NDST4: variants seen among roughly 807,000 people sequenced by gnomAD.
The protein encoded by NDST4 is N-deacetylase and N-sulfotransferase 4, also known as N-heparan sulfate sulfotransferase 4.
NDST4 carries 63 observed loss-of-function variants against 100.8 expected under a neutral mutation model. That is an observed-to-expected ratio of 0.62 (90% CI 0.51 to 0.77). NDST4 has a LOEUF of 0.77. NDST4 is among the 30% of genes least tolerant of loss of function. The pLI is 0.00. For synonymous variants in NDST4, 377 were observed against 361.8 expected (o/e 1.04, Z -0.48); for missense variants, 943 against 1,018.4 (o/e 0.93, Z 1.01).
intron 1 of NDST4, among the ~76,000 whole-genome samples, chr4:115,083,131 A>G (rs1729336715): frequency 2.0e-5 from 3 of 152,234 alleles, no homozygotes; most frequent in Admixed American, 1.3e-4. Flanking sequence ...CATATTTTAT[A>G]TTAATGAAAC....
chr4:115,093,663 G>A (rs553119060), intron 1 of NDST4, among the ~76,000 whole-genome samples: 2 of 152,102 alleles, frequency 1.3e-5, no homozygotes, highest in South Asian at 4.2e-4. Flanking sequence ...ATCACATGGA[G>A]CATATGCACT....
intron 8 of NDST4, 48 bp downstream of exon 8, chr4:114,852,677 T>C (rs1345441271): frequency 7.7e-6 from 8 of 1,042,016 alleles, no homozygotes; most frequent in Non-Finnish European, 1.0e-5. Context: ...ATGTATTTCA[T>C]AAAATATTTT....
chr4:115,071,705 T>C (rs552010531), intron 2 of NDST4, among the ~76,000 whole-genome samples: 8 of 151,892 alleles, frequency 5.3e-5, no homozygotes, highest in Non-Finnish European at 1.0e-4. Flanking sequence ...GATGAAATTC[T>C]CCTTGTGCAC....
chr4:114,947,833 T>A (rs912567612), intron 4 of NDST4, among the ~76,000 whole-genome samples: 2 of 152,112 alleles, frequency 1.3e-5, no homozygotes, highest in Non-Finnish European at 2.9e-5. Context: ...ACAAATAAAA[T>A]ATTAGGCTTT....
intron 7 of NDST4, among the ~76,000 whole-genome samples, chr4:114,865,071 C>CTT (rs11433054): frequency 7.1e-4 from 104 of 146,280 alleles, no homozygotes; most frequent in Non-Finnish European, 8.5e-4. Flanking sequence ...ATTTTTTTTT[C>CTT]TTTTTTTTTT....
chr4:114,904,235 T>A (rs1724904680), intron 6 of NDST4, among the ~76,000 whole-genome samples: 1 of 152,060 alleles, frequency 6.6e-6, no homozygotes, highest in South Asian at 2.1e-4. Flanking sequence ...ATACATTTTT[T>A]AACTACCACA....
chr4:114,900,177 G>T (rs1213079944), intron 6 of NDST4, among the ~76,000 whole-genome samples: 1 of 151,826 alleles, frequency 6.6e-6, no homozygotes, highest in East Asian at 1.9e-4. Flanking sequence ...CTGAAATGAT[G>T]TCCCCTCTTT....
intron 4 of NDST4, among the ~76,000 whole-genome samples, chr4:114,961,033 C>T (rs1418779048): frequency 3.3e-5 from 5 of 152,054 alleles, no homozygotes; most frequent in Admixed American, 3.3e-4. Context: ...TGTTTCTATA[C>T]TTCACTGGAA....
intron 1 of NDST4, among the ~76,000 whole-genome samples, chr4:115,087,374 C>A (rs1300086461): frequency 6.6e-6 from 1 of 152,050 alleles, no homozygotes; most frequent in Admixed American, 6.6e-5. Flanking sequence ...TTATCAAGAG[C>A]CTATTTGCCA....
At chr4:115,080,869 A>G (rs1729288145) in intron 1 of NDST4, among the ~76,000 whole-genome samples, 2 of 152,254 alleles carry the variant, frequency 1.3e-5, no homozygotes, top group Non-Finnish European at 1.5e-5. Flanking sequence ...AAATAACCCA[A>G]TAAGAGCAGA....
intron 2 of NDST4, among the ~76,000 whole-genome samples, chr4:114,989,270 T>A (rs2119664): frequency 0.45 from 68,072 of 152,048 alleles, 16,774 homozygotes; most frequent in Non-Finnish European, 0.58. Context: ...ACAGAAACAG[T>A]ATAATTATTT....
chr4:115,102,883 A>G (rs1009795773), intron 1 of NDST4, among the ~76,000 whole-genome samples: 3 of 151,550 alleles, frequency 2.0e-5, no homozygotes, highest in Admixed American at 6.6e-5. Context: ...TAATTTTTGT[A>G]TTTTTAGTAG....
In NDST4 at chr4:115,076,190, T is replaced by C. The variant is rs138579687; in HGVS notation, c.847A>G (p.Ile283Val). 8.3e-3 allele frequency: 13,405 copies of C among 1,613,228 alleles called. 74 individuals carry two copies. Among genetic ancestry groups the C allele is most frequent in the Non-Finnish European group, 0.01 (12,302 of 1,179,396 alleles). Reference protein sequence around the residue: ...NNLNFWLHKLIFIDAISFLSG... With the variant: ...NNLNFWLHKLVFIDAISFLSG... ...AAGAAGGAGATGGCATCTATGAAGA[T>C]GAGCTTGTGCAGCCAAAAGTTCAAG... is the stretch of plus-strand genomic sequence containing the variant. The change falls in exon 2 of 14, where the codon ATC (isoleucine) becomes GTC (valine). Residue 283 changes from isoleucine to valine, a missense_variant. By Grantham distance (29) the Ile-to-Val change is conservative (BLOSUM62 3). Coordinates refer to ENST00000264363, the MANE Select transcript of NDST4 (RefSeq NM_022569.3).
intron 2 of NDST4, among the ~76,000 whole-genome samples, chr4:115,063,206 A>G (rs1728861060): frequency 6.6e-6 from 1 of 151,988 alleles, no homozygotes; most frequent in Admixed American, 6.6e-5. Flanking sequence ...ATGCTTCAAA[A>G]TTATAAAAAT....
chr4:114,838,609 G>T (rs1224943611), intron 11 of NDST4, among the ~76,000 whole-genome samples: 1 of 152,146 alleles, frequency 6.6e-6, no homozygotes, highest in Non-Finnish European at 1.5e-5. Context: ...ATAAGTGGGA[G>T]TTGAACAATG....
chr4:114,852,011 A>G (rs1241946345), intron 8 of NDST4, among the ~76,000 whole-genome samples: 1 of 152,198 alleles, frequency 6.6e-6, no homozygotes, highest in East Asian at 1.9e-4. Context: ...ACAGCAACTC[A>G]ATAAAACTTT....
intron 2 of NDST4, among the ~76,000 whole-genome samples, chr4:115,052,514 C>G (rs1728603859): frequency 6.6e-6 from 1 of 152,016 alleles, no homozygotes; most frequent in Non-Finnish European, 1.5e-5. Context: ...GGGGGCGAGT[C>G]TTCCCCATAT....
intron 2 of NDST4, among the ~76,000 whole-genome samples, chr4:115,021,196 G>A (rs1171230707): frequency 6.8e-6 from 1 of 147,646 alleles, no homozygotes; most frequent in Non-Finnish European, 1.5e-5. Flanking sequence ...AAGAAACTGT[G>A]GTATATATAT....
chr4:115,083,383 C>T (rs775666524), intron 1 of NDST4, among the ~76,000 whole-genome samples: 101 of 152,220 alleles, frequency 6.6e-4, no homozygotes, highest in Non-Finnish European at 3.4e-4. Context: ...TACCTTGAGC[C>T]CAAGAGTTCA....
Sources: allele counts gnomAD v4.1 joint callset (sites outside exome capture counted in the v4.1 genomes callset), GRCh38; gene constraint gnomAD v4.1.1; transcripts MANE v1.5; gene names NCBI Gene and HGNC (gene_info 2026-07-23, HGNC 2026-07-21).